The following ONECUT3 variants were observed in gnomAD, a reference collection of about 807,000 sequenced individuals.
ONECUT3 encodes the protein one cut homeobox 3, also known as one cut domain family member 3.
ONECUT3 carries 11 observed loss-of-function variants against 16.8 expected under a neutral mutation model. The observed-to-expected ratio is 0.66, with a 90% CI of 0.41 to 1.09. The LOEUF (loss-of-function observed/expected upper bound fraction) is 1.09, where lower values mean the gene tolerates loss of function less well. ONECUT3 is among the 50% of genes least tolerant of loss of function. The pLI, the probability that ONECUT3 is intolerant of heterozygous loss-of-function variation, is 0.00. For missense variants in ONECUT3, 637 were observed against 629.9 expected, an observed-to-expected ratio of 1.01 and a Z score of -0.12; for synonymous variants, 344 against 310.7, an observed-to-expected ratio of 1.11 and a Z score of -1.13.
chr19:1,753,815 G>A lies in ONECUT3; in HGVS notation c.153G>A (p.Ala51=). 1 of 969,184 alleles carries A rather than the reference G, an allele frequency of 1.0e-6. No homozygotes were observed. 60.0% of individuals were successfully genotyped at this position (969,184 alleles called of 1,614,324 possible). Residue 51 remains alanine (A), a synonymous_variant, in exon 1 of 2, where the codon GCG becomes GCA. Coordinates refer to ENST00000382349, the MANE Select transcript of ONECUT3 (RefSeq NM_001080488.2). ...PGRPGLVAGM[A]SLLDGGGGGG... ...GCCCGGGCCTGGTGGCCGGCATGGCGAGCCTGCTGGACGGCGGCGGCGGCG... is the reference window on the plus strand; with the variant it reads ...GCCCGGGCCTGGTGGCCGGCATGGCAAGCCTGCTGGACGGCGGCGGCGGCG...
intron 1 of ONECUT3, among the ~76,000 whole-genome samples, chr19:1,767,389 G>A (rs1434952673): frequency 6.6e-6 from 1 of 152,140 alleles, no homozygotes; most frequent in Non-Finnish European, 1.5e-5. Context: ...GCCCAAGAGG[G>A]CAGCAGGTCA....
rs944318554 is a variant in ONECUT3 at position 1,780,595 on chromosome 19, T to G, written c.*5150T>G. 2 of 152,300 alleles carry G rather than the reference T, an allele frequency of 1.3e-5. No homozygotes were observed. The highest frequency in any genetic ancestry group is 4.8e-5 in the African/African-American group (2 of 41,474). The allele number at this position is 152,300 out of a possible 1,614,324, so 9.4% of individuals were successfully genotyped here. On this transcript the variant is annotated 3_prime_UTR_variant, in exon 2 of 2. Coordinates refer to ENST00000382349, the MANE Select transcript of ONECUT3 (RefSeq NM_001080488.2). ...AGCAGCAAGCCCTGGTCTGGAGGGCTGGGCCTGGGGCTGAGGGCTCAGCTG... is the reference window on the plus strand; with the variant it reads ...AGCAGCAAGCCCTGGTCTGGAGGGCGGGGCCTGGGGCTGAGGGCTCAGCTG...
At chr19:1,771,503 C>T (rs1003202206) in intron 1 of ONECUT3, among the ~76,000 whole-genome samples, 26 of 152,182 alleles carry the variant, frequency 1.7e-4, no homozygotes, top group Admixed American at 1.6e-3. Context: ...GAAAGCCTTG[C>T]TCTGTTGTCT....
chr19:1,772,766 TCAC>T (rs1306813053), intron 1 of ONECUT3, among the ~76,000 whole-genome samples: 13 of 139,876 alleles, frequency 9.3e-5, no homozygotes, highest in Non-Finnish European at 9.1e-5. Flanking sequence ...CGATCTTGGC[TCAC>T]CACAACTTCT....
intron 1 of ONECUT3, among the ~76,000 whole-genome samples, chr19:1,774,080 C>T (rs2068082310): frequency 6.6e-6 from 1 of 152,120 alleles, no homozygotes; most frequent in Non-Finnish European, 1.5e-5. Context: ...ACTCTCCCCT[C>T]CTCCTCCAAA....
In ONECUT3 at chr19:1,759,775, G is replaced by T. The variant is rs905425975; in HGVS notation, c.1192+4921G>T. Among the ~76,000 whole-genome samples, 7 of 152,168 alleles carry T rather than the reference G, an allele frequency of 4.6e-5. No individual in the cohort carries two copies. Among genetic ancestry groups the T allele is most frequent in the Admixed American group, 4.6e-4 (7 of 15,278 alleles). On this transcript the variant is annotated intron_variant, in intron 1 of 1. Coordinates refer to ENST00000382349, the MANE Select transcript of ONECUT3 (RefSeq NM_001080488.2). The surrounding 1 kb of genome is among the most constrained non-coding windows in gnomAD (Gnocchi z 4.1). The stretch of plus-strand genomic sequence containing the variant: ...AGAATGAAATGACGCCTAGGAGAGG[G>T]GGTATGAGGGGCTGGAGGGGCTCAG...
rs2145961591 is a variant in ONECUT3, at chr19:1,764,660, C to A, written c.1192+9806C>A. Among the ~76,000 whole-genome samples, 1 of 152,172 alleles carries A rather than the reference C, an allele frequency of 6.6e-6. No homozygotes were observed. The highest frequency in any genetic ancestry group is 2.4e-5 in the African/African-American group (1 of 41,518). On this transcript the variant is annotated intron_variant, in intron 1 of 1. Transcript: ENST00000382349. The surrounding 1 kb of genome is among the most constrained non-coding windows in gnomAD (Gnocchi z 5.0). ...TGGAGAAGGTTCCACTGCCTCCCACCCATGGGAATCAATTTTCCAGCTCCC... is the reference window on the plus strand; with the variant it reads ...TGGAGAAGGTTCCACTGCCTCCCACACATGGGAATCAATTTTCCAGCTCCC...
Position 1,775,202 on chromosome 19 carries a change from C to T in ONECUT3, c.1242C>T (p.Pro414=). Residue 414 remains proline, a synonymous_variant, in exon 2 of 2, where the codon CCC becomes CCT. Coordinates refer to ENST00000382349, the MANE Select transcript of ONECUT3 (RefSeq NM_001080488.2). ...AGCAGAAGGAGCGCGCCCTGCAGCC[C>T]AAGAAGCAGCGCCTGGTGTTCACCG... is the stretch of plus-strand genomic sequence containing the variant. ...QEQQKERALQ[P]KKQRLVFTDL... 1 of 1,556,950 alleles carries T rather than the reference C, an allele frequency of 6.4e-7. No homozygotes were observed. The highest frequency in any genetic ancestry group is 8.7e-7 in the Non-Finnish European group (1 of 1,151,908).
chr19:1,754,721 G>A lies in ONECUT3; in HGVS notation c.1059G>A (p.Gln353=). ...IFAQRILCRS[Q]GTLSDLLRNP... ...CGCAGCGGATCCTGTGTCGCTCTCAGGGCACGCTCTCCGACCTGCTGCGCA... is the reference window on the plus strand; with the variant it reads ...CGCAGCGGATCCTGTGTCGCTCTCAAGGCACGCTCTCCGACCTGCTGCGCA... Residue 353 remains glutamine, a synonymous_variant, in exon 1 of 2, where the codon CAG becomes CAA. Coordinates refer to ENST00000382349, the MANE Select transcript of ONECUT3 (RefSeq NM_001080488.2). This position sits in a 1 kb window ranked among gnomAD's most constrained non-coding sequence, Gnocchi z 7.4. 6.5e-7 allele frequency: 1 copy of A among 1,549,500 alleles called. No individual in the cohort carries two copies. Among genetic ancestry groups the A allele is most frequent in the Non-Finnish European group, 8.7e-7 (1 of 1,150,042 alleles).
chr19:1,765,469 C>T (rs370151751), intron 1 of ONECUT3, among the ~76,000 whole-genome samples: 1 of 152,218 alleles, frequency 6.6e-6, no homozygotes, highest in Non-Finnish European at 1.5e-5. Flanking sequence ...CTCTCTCCCC[C>T]TTTCCTGGAC....
At position 1,773,306 on chromosome 19, in the gene ONECUT3, G is replaced by C. The variant is rs534793996; in HGVS notation, c.1193-1847G>C. 3.4e-5 allele frequency among the ~76,000 whole-genome samples: 5 copies of C among 146,258 alleles called. No individual in the cohort carries two copies. The East Asian group carries it at 1.0e-3, about 29-fold the overall frequency. On this transcript the variant is annotated intron_variant, in intron 1 of 1. Coordinates refer to ENST00000382349, the MANE Select transcript of ONECUT3 (RefSeq NM_001080488.2). ...TCTCCCTCTCTTTTTCATGTTAGAC[G>C]CTTTTCTAAAATGTGCAGTAACCCA...
chr19:1,753,839 C>T lies in ONECUT3; in HGVS notation c.177C>T (p.Gly59=). 1 of 968,842 alleles carries T rather than the reference C, an allele frequency of 1.0e-6. No individual in the cohort carries two copies. 60.0% of individuals were successfully genotyped at this position (968,842 alleles called of 1,614,324 possible). A position where few individuals can be genotyped will look rare whatever the true frequency, so the allele number is the denominator to read the frequency against. The part of the protein sequence containing the change: ...GMASLLDGGG[G]GGGGGAGGAG... ...CGAGCCTGCTGGACGGCGGCGGCGG[C>T]GGCGGCGGTGGGGGCGCCGGGGGCG... The change falls in exon 1 of 2, where the codon GGC becomes GGT. Residue 59 remains glycine, a synonymous_variant. Coordinates refer to ENST00000382349, the MANE Select transcript of ONECUT3 (RefSeq NM_001080488.2).
In ONECUT3 at chr19:1,759,179, G is replaced by C. The variant is rs75960976; in HGVS notation, c.1192+4325G>C. 3.4e-4 allele frequency among the ~76,000 whole-genome samples: 52 copies of C among 152,328 alleles called. No homozygotes were observed. The highest frequency in any genetic ancestry group is 1.1e-3 in the African/African-American group (44 of 41,562). On this transcript the variant is annotated intron_variant, in intron 1 of 1. Transcript: ENST00000382349. This position sits in a 1 kb window ranked among gnomAD's most constrained non-coding sequence, Gnocchi z 4.1. ...CTGTGTATGGAGTTGCATGCTGAGG[G>C]CAGCTGGTGCAGGAATTGGGCACCT...
intron 1 of ONECUT3, among the ~76,000 whole-genome samples, chr19:1,768,903 T>TGGTGGAGGTGGTGGA (rs1568599044): frequency 1.2e-4 from 11 of 94,172 alleles, no homozygotes; most frequent in East Asian, 7.4e-4. Flanking sequence ...GAGGTGGAGG[T>TGGTGGAGGTGGTGGA]GGTGGAGGTG....
chr19:1,758,209 C>CCGGGAG lies in ONECUT3; in HGVS notation c.1192+3362_1192+3367dup, dbSNP rs1555799034. ...AAACCAGAGAGTGGGGAGGGAGAGA[C>CCGGGAG]CGGGAGCGGGAGAAACAGACGGGGA... On this transcript the variant is annotated intron_variant, in intron 1 of 1. Coordinates refer to ENST00000382349, the MANE Select transcript of ONECUT3 (RefSeq NM_001080488.2). This position sits in a 1 kb window ranked among gnomAD's most constrained non-coding sequence, Gnocchi z 5.9. 6.6e-6 allele frequency among the ~76,000 whole-genome samples: 1 copy of CCGGGAG among 150,770 alleles called. No individual in the cohort carries two copies. Among genetic ancestry groups the CCGGGAG allele is most frequent in the Non-Finnish European group, 1.5e-5 (1 of 67,808 alleles).
rs534363952 is a variant in ONECUT3 at position 1,770,416 on chromosome 19, G to A, written c.1193-4737G>A. 1.5e-3 allele frequency among the ~76,000 whole-genome samples: 229 copies of A among 152,146 alleles called. 1 individual carries two copies. The highest frequency in any genetic ancestry group is 0.01 in the Middle Eastern group (3 of 294). On this transcript the variant is annotated intron_variant, in intron 1 of 1. Coordinates refer to ENST00000382349, the MANE Select transcript of ONECUT3 (RefSeq NM_001080488.2). ...TGCACCACTGCACTCCAGCCTGGGC[G>A]ACACAGCAAGACCCTGTCTCAAAAC...
chr19:1,776,164 C>G lies in ONECUT3; in HGVS notation c.*719C>G, dbSNP rs983178890. 2.0e-4 allele frequency: 30 copies of G among 152,244 alleles called. No individual in the cohort carries two copies. Among genetic ancestry groups the G allele is most frequent in the African/African-American group, 7.2e-4 (30 of 41,528 alleles). 9.4% of individuals were successfully genotyped at this position (152,244 alleles called of 1,614,324 possible). A position where few individuals can be genotyped will look rare whatever the true frequency, so the allele number is the denominator to read the frequency against. On this transcript the variant is annotated 3_prime_UTR_variant, in exon 2 of 2. Coordinates refer to ENST00000382349, the MANE Select transcript of ONECUT3 (RefSeq NM_001080488.2). The surrounding 1 kb of genome is among the most constrained non-coding windows in gnomAD (Gnocchi z 4.9). ...GCGCCCAGCACCTACGGGCGAGCAC[C>G]CTTCCCACCCCATCCCAGGCCGCAG... is the stretch of plus-strand genomic sequence containing the variant.
Position 1,777,647 on chromosome 19 carries a change from C to T in ONECUT3, c.*2202C>T, listed in dbSNP as rs1319539079. The T allele has an allele frequency of 1.3e-5, 2 of 152,176 alleles. No homozygotes were observed. Among genetic ancestry groups the T allele is most frequent in the Admixed American group, 6.5e-5 (1 of 15,274 alleles). The allele number at this position is 152,176 out of a possible 1,614,324, so 9.4% of individuals were successfully genotyped here. ...TCCTGTCCACTCCAGGCCGGACTGACGTAGCCTATGGGCCCAGCAGGTCCA... is the reference window on the plus strand; with the variant it reads ...TCCTGTCCACTCCAGGCCGGACTGATGTAGCCTATGGGCCCAGCAGGTCCA... On this transcript the variant is annotated 3_prime_UTR_variant, in exon 2 of 2. Coordinates refer to ENST00000382349, the MANE Select transcript of ONECUT3 (RefSeq NM_001080488.2).
chr19:1,779,560 T>G lies in ONECUT3; in HGVS notation c.*4115T>G, dbSNP rs1415836687. On this transcript the variant is annotated 3_prime_UTR_variant, in exon 2 of 2. Transcript: ENST00000382349. ...TTATTCTCTGTGTTCTGTGTTCAAA[T>G]GTAATTTAAGAAAAAAAAAGGAAGA... is the stretch of plus-strand genomic sequence containing the variant. 2.0e-5 allele frequency: 3 copies of G among 149,276 alleles called. No homozygotes were observed. The highest frequency in any genetic ancestry group is 3.0e-5 in the Non-Finnish European group (2 of 67,438). The allele number at this position is 149,276 out of a possible 1,614,324, so 9.2% of individuals were successfully genotyped here.
Sources: gnomAD v4.1 joint callset for allele counts (sites outside exome capture counted in the v4.1 genomes callset) on GRCh38, gnomAD v4.1.1 for gene constraint, Gnocchi (gnomAD v3.1) non-coding constraint, MANE v1.5 for transcripts, NCBI Gene and HGNC (gene_info 2026-07-23, HGNC 2026-07-21) for gene names.